Variants in ADGRB1 observed in about 807,000 individuals in gnomAD.
The protein encoded by ADGRB1 is brain-specific angiogenesis inhibitor 1.
ADGRB1 carries 36 observed loss-of-function variants against 175.7 expected under a neutral mutation model. The observed-to-expected ratio is 0.20, with a 90% confidence interval of 0.16 to 0.27. The LOEUF (loss-of-function observed/expected upper bound fraction) is 0.27, where lower values mean the gene tolerates loss of function less well. ADGRB1 is among the 10% of genes least tolerant of loss of function. The probability of loss-of-function intolerance (pLI) is 1.00; values close to 1 mark genes in which losing one functional copy is unlikely to be tolerated. For synonymous variants in ADGRB1, 1,054 were observed against 979.4 expected (o/e 1.08, Z -1.42); for missense variants, 1,731 against 2,255.3 (o/e 0.77, Z 4.71).
chr8:142,521,985 C>A lies in ADGRB1; in HGVS notation c.3045C>A (p.Ala1015=), dbSNP rs1255648897. The A allele has an allele frequency of 1.2e-6, 2 of 1,600,994 alleles. No individual in the cohort carries two copies. The highest frequency in any genetic ancestry group is 3.4e-5 in the Admixed American group (2 of 58,036). ...TRNKVVCTLV[A]AFLHFFFLSS... Reference sequence around the variant, plus strand: ...CACAGGTGGTGTGCACGCTGGTGGCCGCCTTCCTGCACTTCTTCTTCCTGT... The same window carrying A: ...CACAGGTGGTGTGCACGCTGGTGGCAGCCTTCCTGCACTTCTTCTTCCTGT... Residue 1015 remains alanine, a synonymous_variant, in exon 21 of 31, where the codon GCC becomes GCA. Transcript: ENST00000517894.
At position 142,449,714 on chromosome 8, in the gene ADGRB1, AGGC is replaced by A. The variant is rs1043714974; in HGVS notation, c.-598_-596del. ...CGGCCGGAGAGGGAGCGGCGGGCGC[AGGC>A]GGCGGCGGCGGGCGCGGCGTTGGCG... On this transcript the variant is annotated 5_prime_UTR_variant, in exon 1 of 31. Coordinates refer to ENST00000517894, the MANE Select transcript of ADGRB1 (RefSeq NM_001702.3). 21 of 141,250 alleles carry A rather than the reference AGGC, an allele frequency of 1.5e-4. No individual in the cohort carries two copies. The highest frequency in any genetic ancestry group is 2.8e-4 in the Admixed American group (4 of 14,118). The allele number at this position is 141,250 out of a possible 1,614,324, so 8.7% of individuals were successfully genotyped here.
Position 142,493,887 on chromosome 8 carries a change from C to G in ADGRB1, c.2675+3072C>G, listed in dbSNP as rs903944555. 6.6e-6 allele frequency among the ~76,000 whole-genome samples: 1 copy of G among 152,210 alleles called. No homozygotes were observed. The highest frequency in any genetic ancestry group is 1.9e-4 in the East Asian group (1 of 5,192). On this transcript the variant is annotated intron_variant, in intron 17 of 30. Coordinates refer to ENST00000517894, the MANE Select transcript of ADGRB1 (RefSeq NM_001702.3). This position sits in a 1 kb window ranked among gnomAD's most constrained non-coding sequence, Gnocchi z 5.0. ...CTTGACTGCTGCAGGGGCCACTCCT[C>G]GCCCTGTGAACTGTCTCCGGGGAGC...
chr8:142,485,985 A>C (rs959818108), intron 13 of ADGRB1, among the ~76,000 whole-genome samples: 1 of 152,050 alleles, frequency 6.6e-6, no homozygotes, highest in Non-Finnish European at 1.5e-5. Flanking sequence ...AATACCACTA[A>C]AGCCATCATG....
intron 1 of ADGRB1, among the ~76,000 whole-genome samples, chr8:142,458,586 C>G (rs574753534): frequency 5.3e-5 from 8 of 152,262 alleles, no homozygotes; most frequent in African/African-American, 1.9e-4. Context: ...GCTCCTGCTG[C>G]CCCACCTCTC....
intron 15 of ADGRB1, 98 bp from the exon 16 acceptor site, chr8:142,489,238 G>A: frequency 1.3e-6 from 2 of 1,552,630 alleles, no homozygotes; most frequent in South Asian, 1.1e-5. Flanking sequence ...GTGGAGGGTG[G>A]CGGCGGGTAC....
At chr8:142,488,971 G>A (rs1841846358) in intron 14 of ADGRB1, 64 bp from the exon 15 acceptor site, 1 of 1,561,070 alleles carries the variant, frequency 6.4e-7, no homozygotes. Flanking sequence ...TCCAGGCCAG[G>A]CTGCCAAGTC....
intron 17 of ADGRB1, among the ~76,000 whole-genome samples, chr8:142,502,880 G>T (rs1160935589): frequency 6.6e-6 from 1 of 151,840 alleles, no homozygotes; most frequent in Non-Finnish European, 1.5e-5. Flanking sequence ...ACTGTTGATG[G>T]CATGATGCTG....
chr8:142,475,149 C>A (rs1327791469), intron 2 of ADGRB1, among the ~76,000 whole-genome samples: 1 of 152,218 alleles, frequency 6.6e-6, no homozygotes, highest in African/African-American at 2.4e-5. Context: ...CCTCTACCCT[C>A]TGCTTACCAT....
chr8:142,496,416 C>T (rs1325269612), intron 17 of ADGRB1, among the ~76,000 whole-genome samples: 1 of 145,528 alleles, frequency 6.9e-6, no homozygotes, highest in Admixed American at 6.8e-5. Flanking sequence ...GTATGGACGG[C>T]TGGGTGGGTG....
intron 18 of ADGRB1, among the ~76,000 whole-genome samples, chr8:142,513,879 C>A (rs1295234492): frequency 6.6e-6 from 1 of 152,002 alleles, no homozygotes; most frequent in African/African-American, 2.4e-5. Context: ...TGGTGGCCCG[C>A]AAGGCCTGGG....
intron 24 of ADGRB1, 34 bp from the exon 25 acceptor site, chr8:142,533,261 C>CA: frequency 8.8e-7 from 1 of 1,140,916 alleles, no homozygotes; most frequent in South Asian, 1.7e-5. Context: ...GGGGCAGGGG[C>CA]GGGGGCGGCA....
chr8:142,518,871 G>A (rs1243652935), intron 19 of ADGRB1, among the ~76,000 whole-genome samples: 1 of 152,256 alleles, frequency 6.6e-6, no homozygotes, highest in Non-Finnish European at 1.5e-5. Context: ...CCATGGGGCC[G>A]AGTGGGGACT....
At chr8:142,527,001 CA>C (rs61578432) in intron 24 of ADGRB1, among the ~76,000 whole-genome samples, 3,157 of 152,326 alleles carry the variant, frequency 0.021, 126 homozygotes, top group African/African-American at 0.073. Flanking sequence ...GCTCCATGGC[CA>C]GGGGGAGGAT....
chr8:142,510,916 T>TTG lies in ADGRB1; in HGVS notation c.2676-16_2676-15insTG. 41 of 969,414 alleles carry TTG rather than the reference T, an allele frequency of 4.2e-5. No homozygotes were observed. Among genetic ancestry groups the TTG allele is most frequent in the South Asian group, 7.0e-5 (2 of 28,702 alleles). The allele number at this position is 969,414 out of a possible 1,614,324, so 60.1% of individuals were successfully genotyped here. Reference sequence around the variant, plus strand: ...ACGCTCCGCCTGTCTCCCTCCCGTGTCCCGCCCGCCCCCAGACCCTCCTCC... The same window carrying TTG: ...ACGCTCCGCCTGTCTCCCTCCCGTGTTGCCCGCCCGCCCCCAGACCCTCCTCC... On this transcript the variant is annotated splice_polypyrimidine_tract_variant and intron_variant, in intron 17 of 30. Coordinates refer to ENST00000517894, the MANE Select transcript of ADGRB1 (RefSeq NM_001702.3). This position sits in a 1 kb window ranked among gnomAD's most constrained non-coding sequence, Gnocchi z 6.3.
At chr8:142,470,792 C>T (rs903796617) in intron 2 of ADGRB1, among the ~76,000 whole-genome samples, 5 of 152,132 alleles carry the variant, frequency 3.3e-5, no homozygotes, top group Non-Finnish European at 2.9e-5. Context: ...ACCTCCCCCT[C>T]CCTGCCCTGC....
At chr8:142,488,115 A>G (rs552492676) in intron 13 of ADGRB1, among the ~76,000 whole-genome samples, 137 of 152,266 alleles carry the variant, frequency 9.0e-4, no homozygotes, top group African/African-American at 3.2e-3. Context: ...CGAGGCTCCA[A>G]TTCAGCAGGA....
intron 23 of ADGRB1, among the ~76,000 whole-genome samples, chr8:142,525,304 G>A (rs992836777): frequency 1.3e-5 from 2 of 151,644 alleles, no homozygotes; most frequent in East Asian, 2.0e-4. Context: ...GGTACCTGGC[G>A]GTACCCCAGG....
At chr8:142,488,986 C>G in intron 14 of ADGRB1, 49 bp from the exon 15 acceptor site, 1 of 1,589,676 alleles carries the variant, frequency 6.3e-7, no homozygotes. Context: ...CAAGTCCCAC[C>G]CTGGCTGTGG....
rs548459868 is a variant in ADGRB1 at position 142,464,883 on chromosome 8, G to C, written c.685G>C (p.Ala229Pro). 1.4e-3 allele frequency: 2,076 copies of C among 1,523,826 alleles called. 4 individuals carry two copies. Among genetic ancestry groups the C allele is most frequent in the Middle Eastern group, 2.3e-3 (13 of 5,668 alleles). 94.4% of individuals were successfully genotyped at this position (1,523,826 alleles called of 1,614,324 possible). Residue 229 changes from alanine to proline, a missense_variant, in exon 2 of 31, where the codon GCC (alanine) becomes CCC (proline). Physicochemically the swap from Ala to Pro is conservative, Grantham distance 27. Coordinates refer to ENST00000517894, the MANE Select transcript of ADGRB1 (RefSeq NM_001702.3). ...GGGCGGCCCTGCCGCGGGACCCCTG[G>C]CCCCCCGCGGGGATGTCTGCTTGAG... ...EAGGPAAGPL[A>P]PRGDVCLRDA...
Sources: allele counts gnomAD v4.1 joint callset (sites outside exome capture counted in the v4.1 genomes callset), GRCh38; gene constraint gnomAD v4.1.1; non-coding constraint Gnocchi (gnomAD v3.1); transcripts MANE v1.5; gene names NCBI Gene and HGNC (gene_info 2026-07-23, HGNC 2026-07-21).